SPTBN1: variants seen among roughly 807,000 people sequenced by gnomAD.
SPTBN1 encodes spectrin beta chain, non-erythrocytic 1.
A neutral mutation model predicts 266.4 loss-of-function variants in SPTBN1; 32 were observed. That is an observed-to-expected ratio of 0.12 (90% CI 0.09 to 0.16). The LOEUF is 0.16. Among genes scored for constraint, SPTBN1 ranks in the 10% least tolerant of loss-of-function variants. SPTBN1 has a pLI of 1.00. For missense variants in SPTBN1, 2,296 were observed against 3,067.1 expected, an observed-to-expected ratio of 0.75 and a Z score of 5.94; for synonymous variants, 1,336 against 1,162.2, an observed-to-expected ratio of 1.15 and a Z score of -3.04.
At chr2:54,579,768 T>G (rs542812705) in intron 2 of SPTBN1, among the ~76,000 whole-genome samples, 19 of 152,348 alleles carry the variant, frequency 1.2e-4, no homozygotes, top group Admixed American at 1.1e-3. Flanking sequence ...GCCAATGCAT[T>G]AAGACTAAAA....
intron 1 of SPTBN1, among the ~76,000 whole-genome samples, chr2:54,488,618 G>A (rs1001344540): frequency 5.3e-5 from 8 of 151,976 alleles, no homozygotes; most frequent in South Asian, 2.1e-4. Context: ...TTTCAGTGTT[G>A]TGCATTATTA....
rs1376474461 is a variant in SPTBN1, at chr2:54,618,229, C to T, written c.763+36C>T. ...AAGGGATTACAGGTGGGATTTTTAG[C>T]ATCTGTACCATCCAGGTGTTAATGT... On this transcript the variant is annotated intron_variant, in intron 7 of 35. Coordinates refer to ENST00000356805, the MANE Select transcript of SPTBN1 (RefSeq NM_003128.3). The T allele has an allele frequency of 3.3e-6, 5 of 1,520,970 alleles. No individual in the cohort carries two copies. The South Asian group carries it at 4.5e-5, about 14-fold the overall frequency. 94.2% of individuals were successfully genotyped at this position (1,520,970 alleles called of 1,614,324 possible).
intron 1 of SPTBN1, among the ~76,000 whole-genome samples, chr2:54,513,841 AT>A (rs1669977187): frequency 6.6e-6 from 1 of 152,234 alleles, no homozygotes; most frequent in African/African-American, 2.4e-5. Flanking sequence ...GACTTAAAAA[AT>A]ATTTTAGTTG....
At chr2:54,658,233 A>T (rs17416284) in intron 30 of SPTBN1, among the ~76,000 whole-genome samples, 187 bp downstream of exon 30, 42,226 of 151,604 alleles carry the variant, frequency 0.28, 7,164 homozygotes, top group Admixed American at 0.35. Context: ...CAGGACTGTT[A>T]CCTCCTCAGT....
intron 1 of SPTBN1, among the ~76,000 whole-genome samples, chr2:54,495,415 T>A (rs929071395): frequency 6.6e-6 from 1 of 152,182 alleles, no homozygotes; most frequent in African/African-American, 2.4e-5. Flanking sequence ...CCAAGAGGGC[T>A]CTGTCTTGCT....
intron 2 of SPTBN1, among the ~76,000 whole-genome samples, chr2:54,536,773 T>A (rs1671631690): frequency 6.6e-6 from 1 of 152,174 alleles, no homozygotes; most frequent in Admixed American, 6.5e-5. Flanking sequence ...GGTTCATGCC[T>A]GTTATCCCAG....
chr2:54,550,495 C>T (rs958880516), intron 2 of SPTBN1, among the ~76,000 whole-genome samples: 1 of 152,148 alleles, frequency 6.6e-6, no homozygotes, highest in African/African-American at 2.4e-5. Flanking sequence ...CACCCCACAC[C>T]CCCAACTATA....
intron 2 of SPTBN1, chr2:54,529,503 G>T: frequency 2.8e-6 from 2 of 711,648 alleles, no homozygotes. Context: ...AAGACACTGA[G>T]ACTCTGGAGG....
At chr2:54,488,148 A>T (rs1668505841) in intron 1 of SPTBN1, among the ~76,000 whole-genome samples, 1 of 152,162 alleles carries the variant, frequency 6.6e-6, no homozygotes, top group South Asian at 2.1e-4. Context: ...CTTTATGAAT[A>T]AGAATTTCTA....
At chr2:54,598,739 G>T (rs1194580426) in intron 2 of SPTBN1, among the ~76,000 whole-genome samples, 1 of 152,184 alleles carries the variant, frequency 6.6e-6, no homozygotes, top group African/African-American at 2.4e-5. Context: ...GCATCCTGCT[G>T]CCTCTTCAGC....
At chr2:54,456,643 C>T (rs1553425241) in intron 1 of SPTBN1, 125 bp downstream of exon 1, 1 of 151,332 alleles carries the variant, frequency 6.6e-6, no homozygotes, top group Non-Finnish European at 1.5e-5. Context: ...CGCTGCCCGC[C>T]TGCCCTGCGC....
At chr2:54,522,697 G>GAGAGAGAAAGAA (rs1553439438) in intron 1 of SPTBN1, among the ~76,000 whole-genome samples, 1 of 97,328 alleles carries the variant, frequency 1.0e-5, no homozygotes, top group African/African-American at 4.1e-5. Flanking sequence ...GAGAGAGAGA[G>GAGAGAGAAAGAA]AGAAAGAAAG....
chr2:54,485,886 C>T (rs1377325463), intron 1 of SPTBN1, among the ~76,000 whole-genome samples: 5 of 150,484 alleles, frequency 3.3e-5, no homozygotes, highest in South Asian at 4.2e-4. Flanking sequence ...GGCCGCGACC[C>T]GTCTGGGAGG....
chr2:54,472,624 A>G (rs1287569280), intron 1 of SPTBN1, among the ~76,000 whole-genome samples: 2 of 150,950 alleles, frequency 1.3e-5, no homozygotes. Context: ...GGGGGTTGGG[A>G]GTGGTCTTTG....
intron 10 of SPTBN1, 43 bp downstream of exon 10, chr2:54,623,639 G>A (rs2103881370): frequency 2.0e-6 from 3 of 1,511,102 alleles, no homozygotes; most frequent in Non-Finnish European, 2.7e-6. Flanking sequence ...ACCTCCTGGA[G>A]GCTTCAGGTT....
chr2:54,602,361 G>A (rs541504340), intron 3 of SPTBN1, among the ~76,000 whole-genome samples: 3 of 152,304 alleles, frequency 2.0e-5, no homozygotes, highest in Admixed American at 6.5e-5. Flanking sequence ...CCCTGCAGCA[G>A]CGTTGACATG....
intron 1 of SPTBN1, among the ~76,000 whole-genome samples, chr2:54,465,666 A>ATATATATATATATATATATATATATATC (rs1408352073): frequency 7.3e-6 from 1 of 137,800 alleles, no homozygotes; most frequent in African/African-American, 2.7e-5. Context: ...ATATATATAT[A>ATATATATATATATATATATATATATATC]TATCTCACAC....
At chr2:54,535,572 CA>C (rs1671548729) in intron 2 of SPTBN1, among the ~76,000 whole-genome samples, 1 of 152,204 alleles carries the variant, frequency 6.6e-6, no homozygotes, top group South Asian at 2.1e-4. Flanking sequence ...TAGCATGTAT[CA>C]GTACCTTATT....
chr2:54,487,166 ATTTC>A (rs1343776692), intron 1 of SPTBN1, among the ~76,000 whole-genome samples: 12 of 104,506 alleles, frequency 1.1e-4, no homozygotes, highest in Non-Finnish European at 1.8e-5. Flanking sequence ...CCTCATTAGG[ATTTC>A]TTTTTTTTTT....
Sources: allele counts gnomAD v4.1 joint callset (sites outside exome capture counted in the v4.1 genomes callset), GRCh38; gene constraint gnomAD v4.1.1; transcripts MANE v1.5; gene names NCBI Gene and HGNC (gene_info 2026-07-23, HGNC 2026-07-21).